The following GSG1L variants were observed in gnomAD, a reference collection of about 807,000 sequenced individuals.
GSG1L encodes the protein germ cell-specific gene 1-like protein.
Under a neutral mutation model 42.1 loss-of-function variants are expected in GSG1L, and 24 were observed. The observed-to-expected ratio is 0.57, with a 90% CI of 0.41 to 0.80. The LOEUF (loss-of-function observed/expected upper bound fraction) is 0.80. GSG1L is among the 30% of genes least tolerant of loss of function. The pLI is 0.00. For missense variants in GSG1L, 445 were observed against 472.2 expected, an observed-to-expected ratio of 0.94 and a Z score of 0.53; for synonymous variants, 215 against 203.5, an observed-to-expected ratio of 1.06 and a Z score of -0.48.
chr16:27,963,256 G>A (rs368540967), intron 1 of GSG1L, 53 bp from the exon 2 acceptor site: 569 of 1,508,894 alleles, frequency 3.8e-4, no homozygotes, highest in Non-Finnish European at 5.0e-4. Flanking sequence ...GTGGGCTTCC[G>A]AGGTTTGCCT....
chr16:27,878,421 AACTC>A (rs2083913854), intron 3 of GSG1L, among the ~76,000 whole-genome samples: 1 of 152,106 alleles, frequency 6.6e-6, no homozygotes, highest in Admixed American at 6.5e-5. Flanking sequence ...AACTCTTGAG[AACTC>A]ACTCACTATC....
At chr16:27,875,244 G>C (rs1431121384) in intron 3 of GSG1L, among the ~76,000 whole-genome samples, 2 of 152,152 alleles carry the variant, frequency 1.3e-5, no homozygotes, top group Admixed American at 6.5e-5. Context: ...GGAAGTTGGT[G>C]AGCAAATATC....
intron 4 of GSG1L, among the ~76,000 whole-genome samples, chr16:27,836,375 C>G (rs1313525807): frequency 6.6e-6 from 1 of 151,168 alleles, no homozygotes; most frequent in African/African-American, 2.4e-5. Flanking sequence ...ATTCATTCAG[C>G]TTTTGATTCT....
intron 2 of GSG1L, among the ~76,000 whole-genome samples, chr16:27,898,487 G>C (rs1321826712): frequency 6.6e-6 from 1 of 152,070 alleles, no homozygotes; most frequent in East Asian, 1.9e-4. Flanking sequence ...CTGGCTCAAA[G>C]ACAGGTTTTT....
chr16:27,926,705 GA>G (rs560778119), intron 2 of GSG1L, among the ~76,000 whole-genome samples: 2 of 151,408 alleles, frequency 1.3e-5, no homozygotes, highest in Non-Finnish European at 2.9e-5. Context: ...AAAAACAAAC[GA>G]AAAAAAACCT....
intron 6 of GSG1L, among the ~76,000 whole-genome samples, chr16:27,792,136 C>T (rs2082762325): frequency 6.6e-6 from 1 of 152,152 alleles, no homozygotes; most frequent in African/African-American, 2.4e-5. Flanking sequence ...TGTCTCCCCA[C>T]CTTGCCATCT....
chr16:27,821,304 G>C (rs2083148425), intron 5 of GSG1L, among the ~76,000 whole-genome samples: 1 of 151,368 alleles, frequency 6.6e-6, no homozygotes, highest in Non-Finnish European at 1.5e-5. Context: ...TTTTTTTTTA[G>C]ATTCAGGGGT....
At chr16:27,928,516 AG>A (rs1455132967) in intron 2 of GSG1L, among the ~76,000 whole-genome samples, 12 of 117,414 alleles carry the variant, frequency 1.0e-4, no homozygotes, top group Admixed American at 5.8e-4. Flanking sequence ...AGAAAAGAAA[AG>A]AAAACAAAAC....
At chr16:27,885,075 T>A (rs1198365347) in intron 2 of GSG1L, among the ~76,000 whole-genome samples, 1 of 152,202 alleles carries the variant, frequency 6.6e-6, no homozygotes, top group African/African-American at 2.4e-5. Context: ...ACTGCTGTAT[T>A]GTTAGGCCAG....
intron 5 of GSG1L, 47 bp from the exon 6 acceptor site, chr16:27,807,601 A>T (rs1456734707): frequency 6.5e-7 from 1 of 1,534,430 alleles, no homozygotes; most frequent in Non-Finnish European, 8.9e-7. Context: ...AGGAAAGAGA[A>T]GGATGAGTGG....
Position 28,000,168 on chromosome 16 carries a change from G to A in GSG1L, c.350-36965C>T, listed in dbSNP as rs371395050. On this transcript the variant is annotated intron_variant, in intron 1 of 6. Transcript: ENST00000447459. ...CTTGCTCACATGTGACATTCTGTGCGCTCAAAAGTTAGGCCACAGCGGGGC... is the reference window on the plus strand; with the variant it reads ...CTTGCTCACATGTGACATTCTGTGCACTCAAAAGTTAGGCCACAGCGGGGC... Among the ~76,000 whole-genome samples the A allele has an allele frequency of 9.4e-4, 143 of 152,288 alleles. 4 individuals are homozygous for A. In the South Asian group the frequency reaches 0.027, roughly 28 times the overall value.
At chr16:27,986,541 G>A (rs2085386248) in intron 1 of GSG1L, among the ~76,000 whole-genome samples, 1 of 151,376 alleles carries the variant, frequency 6.6e-6, no homozygotes, top group Non-Finnish European at 1.5e-5. Flanking sequence ...AGTGTGATTT[G>A]GATACCTAGA....
At chr16:27,792,949 A>G (rs754376844) in intron 6 of GSG1L, among the ~76,000 whole-genome samples, 5 of 152,254 alleles carry the variant, frequency 3.3e-5, no homozygotes, top group African/African-American at 7.2e-5. Context: ...CAGCTATGAT[A>G]GAGCTGGATT....
chr16:27,890,248 G>A (rs1515033), intron 2 of GSG1L, among the ~76,000 whole-genome samples: 10,346 of 152,220 alleles, frequency 0.068, 476 homozygotes, highest in Admixed American at 0.11. Context: ...ATGGCCCTTC[G>A]GTTCTCAGGG....
intron 1 of GSG1L, among the ~76,000 whole-genome samples, chr16:27,991,309 T>C (rs1182805631): frequency 3.5e-5 from 5 of 144,272 alleles, no homozygotes; most frequent in Non-Finnish European, 7.5e-5. Context: ...TGCTCCCTGA[T>C]AGAATAGGTT....
chr16:27,934,244 C>T (rs907338962), intron 2 of GSG1L, among the ~76,000 whole-genome samples: 1 of 152,172 alleles, frequency 6.6e-6, no homozygotes, highest in Non-Finnish European at 1.5e-5. Context: ...GGAGGGAAGG[C>T]TTTAAAAGCG....
intron 1 of GSG1L, among the ~76,000 whole-genome samples, chr16:28,061,416 C>A (rs553188290): frequency 1.3e-5 from 2 of 152,246 alleles, no homozygotes; most frequent in African/African-American, 4.8e-5. Context: ...TATTCAAACA[C>A]CATGTATCTC....
chr16:27,867,917 C>T (rs1465944925), intron 3 of GSG1L, among the ~76,000 whole-genome samples: 1 of 152,254 alleles, frequency 6.6e-6, no homozygotes, highest in African/African-American at 2.4e-5. Context: ...TTGCGTTTCT[C>T]GCGAGACCAG....
intron 2 of GSG1L, among the ~76,000 whole-genome samples, chr16:27,899,935 A>G (rs1242826631): frequency 6.6e-6 from 1 of 152,148 alleles, no homozygotes; most frequent in Non-Finnish European, 1.5e-5. Flanking sequence ...TGTGGATTCC[A>G]CATTTGCCCA....
Sources: gnomAD v4.1 joint callset for allele counts (sites outside exome capture counted in the v4.1 genomes callset) on GRCh38, gnomAD v4.1.1 for gene constraint, MANE v1.5 for transcripts, NCBI Gene and HGNC (gene_info 2026-07-23, HGNC 2026-07-21) for gene names.